Variants in REV3L observed in about 807,000 individuals in gnomAD.
The protein encoded by REV3L is REV3 like, DNA directed polymerase zeta catalytic subunit.
REV3L carries 69 observed loss-of-function variants against 299.4 expected under a neutral mutation model. The observed-to-expected ratio is 0.23, with a 90% CI of 0.19 to 0.28. REV3L has a LOEUF of 0.28. REV3L is among the 10% of genes least tolerant of loss of function. REV3L has a pLI of 1.00. For synonymous variants in REV3L, 1,238 were observed against 1,271.4 expected (o/e 0.97, Z 0.56); for missense variants, 3,128 against 3,693.8 (o/e 0.85, Z 3.97).
chr6:111,450,654 GTAC>G (rs1473284160), intron 1 of REV3L, among the ~76,000 whole-genome samples: 1 of 151,912 alleles, frequency 6.6e-6, no homozygotes, highest in Non-Finnish European at 1.5e-5. Flanking sequence ...GCTTAAAATG[GTAC>G]TACAAGAGCA....
chr6:111,367,479 G>A lies in REV3L; in HGVS notation c.6309C>T (p.Pro2103=), dbSNP rs3218590. 6.9e-3 allele frequency: 11,067 copies of A among 1,606,864 alleles called. 697 individuals carry two copies. In the African/African-American group the frequency reaches 0.13, roughly 19 times the overall value. The change falls in exon 14 of 32, where the codon CCC becomes CCT. Residue 2103 remains proline (P), a synonymous_variant. Coordinates refer to ENST00000368802, the MANE Select transcript of REV3L (RefSeq NM_001372078.1). ...MLPPVASASD[P]EKDEDDDDNY... ...TATCATCATCATCTTCATCTTTTTC[G>A]GGATCACTTGCAGAGGCAACTGGTG...
chr6:111,407,066 C>T (rs116546765), intron 3 of REV3L, among the ~76,000 whole-genome samples: 4,571 of 151,960 alleles, frequency 0.03, 81 homozygotes, highest in South Asian at 0.078. Context: ...GGTATGATGG[C>T]GCCACTGCAT....
At chr6:111,422,597 CATAT>C (rs202241481) in intron 1 of REV3L, among the ~76,000 whole-genome samples, 6 of 17,902 alleles carry the variant, frequency 3.4e-4, no homozygotes, top group East Asian at 1.7e-3. Context: ...TATATATACA[CATAT>C]ATATATATAT....
At chr6:111,336,893 TGCTAAAAGAAG>T (rs1245172277) in intron 21 of REV3L, among the ~76,000 whole-genome samples, 1 of 152,196 alleles carries the variant, frequency 6.6e-6, no homozygotes, top group Non-Finnish European at 1.5e-5. Flanking sequence ...GACAGCATTA[TGCTAAAAGAAG>T]CCAGCCACAA....
chr6:111,431,692 C>A (rs539108048), intron 1 of REV3L: 252 of 958,742 alleles, frequency 2.6e-4, no homozygotes, highest in East Asian at 4.6e-4. Flanking sequence ...CATTCCTTCC[C>A]CCGTCATGGA....
intron 24 of REV3L, among the ~76,000 whole-genome samples, chr6:111,330,777 T>C (rs1775302034): frequency 6.6e-6 from 1 of 152,122 alleles, no homozygotes; most frequent in South Asian, 2.1e-4. Flanking sequence ...TAGAGACCCA[T>C]TTAATAAAAA....
intron 1 of REV3L, among the ~76,000 whole-genome samples, chr6:111,441,219 T>TTATCC (rs1788226685): frequency 6.6e-6 from 1 of 152,190 alleles, no homozygotes; most frequent in South Asian, 2.1e-4. Context: ...TATGCCTCTA[T>TTATCC]TATCCATCTG....
At chr6:111,433,755 G>A (rs1381504643) in intron 1 of REV3L, among the ~76,000 whole-genome samples, 3 of 152,072 alleles carry the variant, frequency 2.0e-5, no homozygotes, top group African/African-American at 7.2e-5. Flanking sequence ...ACCAAAAAAA[G>A]AAGACTACAG....
In REV3L at chr6:111,318,574, T is replaced by G. The variant is rs185723250; in HGVS notation, c.8352-3193A>C. On this transcript the variant is annotated intron_variant, in intron 26 of 31. Transcript: ENST00000368802. The stretch of plus-strand genomic sequence containing the variant: ...GATGCAATGATGAATGCAACATTTT[T>G]TTTGTTTGTTTTTTGAGATGGAGTT... 1.9e-3 allele frequency among the ~76,000 whole-genome samples: 293 copies of G among 152,274 alleles called. 1 individual carries two copies. Among genetic ancestry groups the G allele is most frequent in the African/African-American group, 6.6e-3 (275 of 41,550 alleles).
chr6:111,405,200 T>C (rs1321125474), intron 4 of REV3L, among the ~76,000 whole-genome samples: 1 of 152,068 alleles, frequency 6.6e-6, no homozygotes, highest in Non-Finnish European at 1.5e-5. Flanking sequence ...CACAATACCT[T>C]TTAGGTAGCC....
chr6:111,311,267 C>CA lies in REV3L; in HGVS notation c.8605-9dup. On this transcript the variant is annotated splice_polypyrimidine_tract_variant and intron_variant, in intron 28 of 31. Transcript: ENST00000368802. ...TAGAGAACGCTCAAGTATCTTAAAA[C>CA]AAAAAAGATATGCAAGTAAAGATAA... 1 of 1,576,974 alleles carries CA rather than the reference C, an allele frequency of 6.3e-7. No homozygotes were observed. Among genetic ancestry groups the CA allele is most frequent in the Non-Finnish European group, 8.6e-7 (1 of 1,161,378 alleles).
In REV3L at chr6:111,379,926, T is replaced by C. The variant is rs148214008; in HGVS notation, c.1454+56A>G. 5.9e-6 allele frequency: 6 copies of C among 1,008,780 alleles called. No homozygotes were observed. The African/African-American group carries it at 8.1e-5, about 14-fold the overall frequency. The allele number at this position is 1,008,780 out of a possible 1,614,324, so 62.5% of individuals were successfully genotyped here. On this transcript the variant is annotated intron_variant, in intron 11 of 31. Transcript: ENST00000368802. ...AACAATAGTAATAAATAATTTCTGA[T>C]TGAAGGACAATAATGATAAAAGTTA...
chr6:111,305,611 A>G (rs936152092), intron 31 of REV3L, among the ~76,000 whole-genome samples: 22 of 152,096 alleles, frequency 1.4e-4, no homozygotes, highest in African/African-American at 5.1e-4. Context: ...ATAAAAATAA[A>G]TAAATAAAAA....
intron 26 of REV3L, among the ~76,000 whole-genome samples, chr6:111,319,696 T>A (rs972390404): frequency 6.6e-6 from 1 of 152,176 alleles, no homozygotes; most frequent in Non-Finnish European, 1.5e-5. Context: ...CCTTCGTCTA[T>A]CAGATTTCCT....
chr6:111,388,046 A>G lies in REV3L; in HGVS notation c.902T>C (p.Phe301Ser). ...GAGAATTTCCTGAAGTCTCTTCTGA[A>G]ATTTTTTTTCACTTTCTGTTGCTGG... ...FVPATESEKK[F>S]QKRLQEILKQ... The change falls in exon 8 of 32, where the codon TTT becomes TCT. Residue 301 changes from phenylalanine (F) to serine (S), a missense_variant. Around this residue, in one of 9 missense-constraint regions of REV3L, gnomAD observed 2,409 missense variants for 2,611.8 expected, o/e 0.92. Coordinates refer to ENST00000368802, the MANE Select transcript of REV3L (RefSeq NM_001372078.1). The G allele has an allele frequency of 6.2e-7, 1 of 1,612,894 alleles. No homozygotes were observed. Among genetic ancestry groups the G allele is most frequent in the Non-Finnish European group, 8.5e-7 (1 of 1,179,656 alleles).
At position 111,374,399 on chromosome 6, in the gene REV3L, T is replaced by C. The variant is rs1232137579; in HGVS notation, c.3956A>G (p.His1319Arg). The change falls in exon 13 of 32, where the codon CAT (histidine) becomes CGT (arginine). Residue 1319 changes from histidine (H) to arginine (R), a missense_variant. Physicochemically the swap from His to Arg is conservative, Grantham distance 29. Coordinates refer to ENST00000368802, the MANE Select transcript of REV3L (RefSeq NM_001372078.1). Reference sequence around the variant, plus strand: ...TATAGAATTACAAACAACTGATGGATGCAAATCATCTCGTGAACTGGGGAA... The same window carrying C: ...TATAGAATTACAAACAACTGATGGACGCAAATCATCTCGTGAACTGGGGAA... ...QTFPSSRDDL[H>R]PSVVCNSIGP... 5.0e-6 allele frequency: 8 copies of C among 1,614,004 alleles called. No individual in the cohort carries two copies. The highest frequency in any genetic ancestry group is 6.8e-6 in the Non-Finnish European group (8 of 1,179,922).
intron 2 of REV3L, among the ~76,000 whole-genome samples, chr6:111,415,461 T>G (rs2128283749): frequency 6.6e-6 from 1 of 152,266 alleles, no homozygotes; most frequent in East Asian, 1.9e-4. Flanking sequence ...GTATAGTAGC[T>G]GGGGCCATTC....
rs1231665171 is a variant in REV3L at position 111,376,159 on chromosome 6, C to G, written c.2196G>C (p.Leu732=). 6.2e-7 allele frequency: 1 copy of G among 1,612,466 alleles called. No individual in the cohort carries two copies. Among genetic ancestry groups the G allele is most frequent in the South Asian group, 1.1e-5 (1 of 90,994 alleles). Residue 732 remains leucine, a synonymous_variant, in exon 13 of 32, where the codon CTG becomes CTC. Transcript: ENST00000368802. ...TAAATGATGAAGGGAATAAACTACT[C>G]AGAGCTGTGCTGTTTCCTTTTTCAT... ...EGNEKGNSTA[L]SSLFPSSFTE... is the part of the protein sequence containing the mutation.
rs1772945793 is a variant in REV3L, at chr6:111,311,251, C to T, written c.8613G>A (p.Glu2871=). ...DSCPAVSKIL[E]RSLKLLFETR... is the part of the protein sequence containing the mutation. ...TTTCAAATAGCAGCTTTAGAGAACG[C>T]TCAAGTATCTTAAAACAAAAAAGAT... Residue 2871 remains glutamate, a synonymous_variant, in exon 29 of 32, where the codon GAG becomes GAA. Transcript: ENST00000368802. 1.9e-6 allele frequency: 3 copies of T among 1,597,104 alleles called. No homozygotes were observed. Among genetic ancestry groups the T allele is most frequent in the African/African-American group, 1.3e-5 (1 of 74,240 alleles).
Sources: allele counts gnomAD v4.1 joint callset (sites outside exome capture counted in the v4.1 genomes callset), GRCh38; gene constraint gnomAD v4.1.1; regional missense constraint gnomAD v4.1.1; transcripts MANE v1.5; gene names NCBI Gene and HGNC (gene_info 2026-07-23, HGNC 2026-07-21).